The following CDH4 variants were observed in gnomAD, a reference collection of about 807,000 sequenced individuals.
CDH4 encodes cadherin 4.
In CDH4, 33 loss-of-function variants were observed where a neutral mutation model predicts 86.0. The ratio of observed to expected loss-of-function variants is 0.38; its 90% CI spans 0.29 to 0.51. The LOEUF (loss-of-function observed/expected upper bound fraction) is 0.51. Ranked by LOEUF, CDH4 falls within the 20% of genes least tolerant of loss-of-function variation. The pLI is 0.86. For synonymous variants in CDH4, 555 were observed against 549.4 expected (o/e 1.01, Z -0.14); for missense variants, 1,114 against 1,307.4 (o/e 0.85, Z 2.28).
chr20:61,632,925 G>A (rs1457143071), intron 2 of CDH4, among the ~76,000 whole-genome samples: 6 of 143,158 alleles, frequency 4.2e-5, no homozygotes, highest in African/African-American at 7.7e-5. Flanking sequence ...TTGGCTTTAC[G>A]TTGTCTCTCT....
intron 2 of CDH4, among the ~76,000 whole-genome samples, chr20:61,409,879 C>T (rs1461367624): frequency 1.8e-4 from 27 of 152,260 alleles, no homozygotes; most frequent in Admixed American, 1.8e-3. Context: ...CTTATAGCAG[C>T]CCAGGCTTTG....
intron 4 of CDH4, among the ~76,000 whole-genome samples, chr20:61,836,857 A>G (rs1407959072): frequency 1.3e-5 from 2 of 152,228 alleles, no homozygotes; most frequent in African/African-American, 4.8e-5. Context: ...CTTTCCATTG[A>G]AGTAAAGTTC....
intron 4 of CDH4, among the ~76,000 whole-genome samples, chr20:61,817,663 G>C (rs13042233): frequency 0.65 from 98,687 of 151,916 alleles, 32,595 homozygotes; most frequent in African/African-American, 0.72. Context: ...ACAGGTGTCT[G>C]CGCGTTCATC....
chr20:61,922,158 C>T (rs577736603), intron 9 of CDH4, among the ~76,000 whole-genome samples: 4 of 152,304 alleles, frequency 2.6e-5, no homozygotes, highest in East Asian at 1.9e-4. Flanking sequence ...ACAGATACTA[C>T]GCAATGAATA....
At chr20:61,897,353 G>C (rs1408418834) in intron 8 of CDH4, among the ~76,000 whole-genome samples, 2 of 152,048 alleles carry the variant, frequency 1.3e-5, no homozygotes, top group East Asian at 3.9e-4. Context: ...GACTCTGGGA[G>C]GCCAAGGCAG....
intron 2 of CDH4, among the ~76,000 whole-genome samples, chr20:61,690,944 A>AC (rs1247926274): frequency 6.6e-6 from 1 of 150,734 alleles, no homozygotes; most frequent in African/African-American, 2.4e-5. Context: ...AGCCTTGCAG[A>AC]CCCCCCGCCC....
At chr20:61,752,008 G>A (rs939998941) in intron 3 of CDH4, among the ~76,000 whole-genome samples, 4 of 152,202 alleles carry the variant, frequency 2.6e-5, no homozygotes, top group South Asian at 4.1e-4. Context: ...CGTGAAACAC[G>A]GGAAAGAATG....
chr20:61,492,898 T>A (rs1224826061), intron 2 of CDH4, among the ~76,000 whole-genome samples: 1 of 152,174 alleles, frequency 6.6e-6, no homozygotes, highest in Non-Finnish European at 1.5e-5. Flanking sequence ...GGATGGCAAG[T>A]TGAAGCAGCC....
chr20:61,881,448 G>A (rs559711757), intron 7 of CDH4, among the ~76,000 whole-genome samples: 27 of 152,366 alleles, frequency 1.8e-4, no homozygotes, highest in East Asian at 5.8e-4. Flanking sequence ...CCAGCGAGCC[G>A]CTCCCGTGAG....
intron 3 of CDH4, among the ~76,000 whole-genome samples, chr20:61,752,130 G>A (rs1371533868): frequency 6.6e-6 from 1 of 152,160 alleles, no homozygotes; most frequent in Non-Finnish European, 1.5e-5. Flanking sequence ...TCAGGAGTTC[G>A]AGACCAGCCT....
At chr20:61,548,001 C>T (rs1441995248) in intron 2 of CDH4, among the ~76,000 whole-genome samples, 2 of 152,116 alleles carry the variant, frequency 1.3e-5, no homozygotes, top group African/African-American at 2.4e-5. Flanking sequence ...AGGGGGAGGC[C>T]TTTGCTTCCT....
intron 4 of CDH4, among the ~76,000 whole-genome samples, chr20:61,781,329 T>G (rs533136343): frequency 6.6e-6 from 1 of 152,160 alleles, no homozygotes; most frequent in African/African-American, 2.4e-5. Flanking sequence ...CACCCAGACA[T>G]TGGAACTAGC....
intron 2 of CDH4, among the ~76,000 whole-genome samples, chr20:61,290,466 C>A (rs1412087334): frequency 6.7e-6 from 1 of 150,128 alleles, no homozygotes; most frequent in Non-Finnish European, 1.5e-5. Context: ...TGGATTTATC[C>A]CCGTATCCAA....
rs1000041041 is a variant in CDH4, at chr20:61,480,227, G to A, written c.169+225290G>A. On this transcript the variant is annotated intron_variant, in intron 2 of 15. Coordinates refer to ENST00000614565, the MANE Select transcript of CDH4 (RefSeq NM_001794.5). The surrounding 1 kb of genome is among the most constrained non-coding windows in gnomAD (Gnocchi z 5.2). ...TCCCAATCCATCTCTTCCACCCCAG[G>A]AGGACCCCAGGCTCCCCCTCTCGTG... 6.6e-6 allele frequency among the ~76,000 whole-genome samples: 1 copy of A among 151,940 alleles called. No homozygotes were observed. Among genetic ancestry groups the A allele is most frequent in the African/African-American group, 2.4e-5 (1 of 41,346 alleles).
chr20:61,406,442 C>T (rs1410312219), intron 2 of CDH4, among the ~76,000 whole-genome samples: 1 of 139,952 alleles, frequency 7.1e-6, no homozygotes, highest in Non-Finnish European at 1.6e-5. Context: ...CATCTGCTCT[C>T]CCTGGACCAC....
intron 2 of CDH4, among the ~76,000 whole-genome samples, chr20:61,362,925 T>A (rs904091355): frequency 6.6e-6 from 1 of 152,202 alleles, no homozygotes; most frequent in African/African-American, 2.4e-5. Flanking sequence ...TGTGAACAGG[T>A]GGCTTTTTAC....
intron 2 of CDH4, among the ~76,000 whole-genome samples, chr20:61,634,453 G>A (rs571863639): frequency 2.1e-4 from 32 of 152,042 alleles, no homozygotes; most frequent in Non-Finnish European, 4.1e-4. Flanking sequence ...TGACTTCCGC[G>A]AGTGTTCTCC....
At chr20:61,335,119 G>A (rs575706739) in intron 2 of CDH4, among the ~76,000 whole-genome samples, 2 of 152,302 alleles carry the variant, frequency 1.3e-5, no homozygotes, top group South Asian at 4.2e-4. Flanking sequence ...TACAGAGTTG[G>A]CAAGAGGAGG....
chr20:61,887,243 G>A (rs1391656008), intron 7 of CDH4, among the ~76,000 whole-genome samples: 3 of 152,180 alleles, frequency 2.0e-5, no homozygotes, highest in Non-Finnish European at 2.9e-5. Flanking sequence ...CCCTGCCAAC[G>A]GGAAGGCCAC....
Sources: allele counts gnomAD v4.1 joint callset (sites outside exome capture counted in the v4.1 genomes callset), GRCh38; gene constraint gnomAD v4.1.1; non-coding constraint Gnocchi (gnomAD v3.1); transcripts MANE v1.5; gene names NCBI Gene and HGNC (gene_info 2026-07-23, HGNC 2026-07-21).